The following ARHGAP12 variants were observed in gnomAD, a reference collection of about 807,000 sequenced individuals.
ARHGAP12 encodes the protein Rho GTPase activating protein 12.
Under a neutral mutation model 108.6 loss-of-function variants are expected in ARHGAP12, and 64 were observed. That is an observed-to-expected ratio of 0.59 (90% CI 0.48 to 0.73). The LOEUF is 0.73. Ranked by LOEUF, ARHGAP12 falls within the 30% of genes least tolerant of loss-of-function variation. The pLI, the probability that ARHGAP12 is intolerant of heterozygous loss-of-function variation, is 0.00. For synonymous variants in ARHGAP12, 312 were observed against 337.2 expected, an observed-to-expected ratio of 0.93 and a Z score of 0.82; for missense variants, 940 against 1,005.9, an observed-to-expected ratio of 0.93 and a Z score of 0.89.
At chr10:31,928,497 C>A (rs1213225130) in intron 1 of ARHGAP12, among the ~76,000 whole-genome samples, 186 bp downstream of exon 1, 7 of 151,094 alleles carry the variant, frequency 4.6e-5, no homozygotes, top group African/African-American at 1.7e-4. Context: ...CAGAGCCCCT[C>A]GCTGCGCGCC....
At chr10:31,836,979 G>A (rs1348091298) in intron 9 of ARHGAP12, among the ~76,000 whole-genome samples, 1 of 152,136 alleles carries the variant, frequency 6.6e-6, no homozygotes, top group Non-Finnish European at 1.5e-5. Context: ...ACATTGGCGA[G>A]GCAGTTCCCT....
Position 31,805,655 on chromosome 10 carries a change from CA to C in ARHGAP12, c.*2002del, listed in dbSNP as rs1467456528. 1 of 120,524 alleles carries C rather than the reference CA, an allele frequency of 8.3e-6. No homozygotes were observed. The highest frequency in any genetic ancestry group is 1.9e-5 in the Non-Finnish European group (1 of 51,878). 7.5% of individuals were successfully genotyped at this position (120,524 alleles called of 1,614,324 possible). A position where few individuals can be genotyped will look rare whatever the true frequency, so the allele number is the denominator to read the frequency against. ...AATAAAACATTTAAGACTTCACACA[CA>C]CACACACACACACACACACACACAC... On this transcript the variant is annotated 3_prime_UTR_variant, in exon 20 of 20. Coordinates refer to ENST00000344936, the MANE Select transcript of ARHGAP12 (RefSeq NM_018287.7).
Position 31,894,504 on chromosome 10 carries a change from T to C in ARHGAP12, c.684+13668A>G, listed in dbSNP as rs1011737115. The stretch of plus-strand genomic sequence containing the variant: ...GAGTGAACTCCCATTCACAATTGCT[T>C]CAAAGAAAATAAAATACCTAGGAAT... On this transcript the variant is annotated intron_variant, in intron 3 of 19. Transcript: ENST00000344936. Among the ~76,000 whole-genome samples, 295 of 152,072 alleles carry C rather than the reference T, an allele frequency of 1.9e-3. 2 individuals are homozygous for C. Among genetic ancestry groups the C allele is most frequent in the African/African-American group, 6.0e-3 (248 of 41,458 alleles).
chr10:31,850,420 C>T (rs1261211667), intron 6 of ARHGAP12, among the ~76,000 whole-genome samples: 1 of 152,046 alleles, frequency 6.6e-6, no homozygotes, highest in Admixed American at 6.6e-5. Context: ...GTAATTACAT[C>T]CCTCAAAACA....
chr10:31,917,285 G>A (rs1227971382), intron 1 of ARHGAP12, among the ~76,000 whole-genome samples: 2 of 152,082 alleles, frequency 1.3e-5, no homozygotes, highest in African/African-American at 2.4e-5. Flanking sequence ...GCACGTGCCT[G>A]TAATCCCAGC....
At chr10:31,893,036 T>C (rs1838520902) in intron 3 of ARHGAP12, among the ~76,000 whole-genome samples, 2 of 152,178 alleles carry the variant, frequency 1.3e-5, no homozygotes, top group Admixed American at 1.3e-4. Context: ...GAAATAAAGA[T>C]GTTCTTTGAA....
intron 3 of ARHGAP12, among the ~76,000 whole-genome samples, chr10:31,868,500 G>C (rs898725793): frequency 6.6e-6 from 1 of 152,010 alleles, no homozygotes; most frequent in African/African-American, 2.4e-5. Context: ...CAATAGTATT[G>C]ACCCTATAGA....
At chr10:31,862,020 T>C (rs907092383) in intron 3 of ARHGAP12, among the ~76,000 whole-genome samples, 1 of 152,234 alleles carries the variant, frequency 6.6e-6, no homozygotes, top group African/African-American at 2.4e-5. Context: ...AATGAGGGAA[T>C]TGGACTAAAC....
intron 3 of ARHGAP12, among the ~76,000 whole-genome samples, chr10:31,895,290 A>C (rs1225445210): frequency 6.6e-6 from 1 of 152,248 alleles, no homozygotes; most frequent in African/African-American, 2.4e-5. Flanking sequence ...AGCAAAAGAA[A>C]CTACCATCAG....
chr10:31,808,977 T>C lies in ARHGAP12; in HGVS notation c.2263+17A>G, dbSNP rs995352426. Reference sequence around the variant, plus strand: ...TTTTCAATATCTAGAAAAAACTGAGTAGAATTACATACTTACTAATTGCAT... The same window carrying C: ...TTTTCAATATCTAGAAAAAACTGAGCAGAATTACATACTTACTAATTGCAT... On this transcript the variant is annotated intron_variant, in intron 18 of 19. Transcript: ENST00000344936. 1.9e-6 allele frequency: 3 copies of C among 1,549,346 alleles called. No homozygotes were observed. Among genetic ancestry groups the C allele is most frequent in the Admixed American group, 3.8e-5 (2 of 53,056 alleles).
intron 1 of ARHGAP12, among the ~76,000 whole-genome samples, chr10:31,917,447 A>G (rs1839611045): frequency 6.6e-6 from 1 of 152,194 alleles, no homozygotes; most frequent in Non-Finnish European, 1.5e-5. Context: ...TAGTCTTTAT[A>G]AAAGTTCAAT....
At position 31,898,479 on chromosome 10, in the gene ARHGAP12, T is replaced by C. The variant is rs950156062; in HGVS notation, c.684+9693A>G. On this transcript the variant is annotated intron_variant, in intron 3 of 19. Transcript: ENST00000344936. ...TTGCTGGTGGGATGGTCCTGATCTCTTGACCTCGTGATCTGCCCACCTCGG... is the reference window on the plus strand; with the variant it reads ...TTGCTGGTGGGATGGTCCTGATCTCCTGACCTCGTGATCTGCCCACCTCGG... 2.6e-5 allele frequency among the ~76,000 whole-genome samples: 4 copies of C among 152,168 alleles called. 1 individual carries two copies. Among genetic ancestry groups the C allele is most frequent in the South Asian group, 4.1e-4 (2 of 4,830 alleles).
At chr10:31,903,665 G>A (rs749820460) in intron 3 of ARHGAP12, among the ~76,000 whole-genome samples, 1 of 151,970 alleles carries the variant, frequency 6.6e-6, no homozygotes, top group East Asian at 1.9e-4. Flanking sequence ...GGATGAAAAG[G>A]CAAGCTACAT....
At chr10:31,819,138 T>C (rs1384416606) in intron 12 of ARHGAP12, among the ~76,000 whole-genome samples, 1 of 151,530 alleles carries the variant, frequency 6.6e-6, no homozygotes, top group Admixed American at 6.6e-5. Flanking sequence ...TATTTTTAAA[T>C]AAATATTTAT....
chr10:31,908,163 T>A lies in ARHGAP12; in HGVS notation c.684+9A>T. On this transcript the variant is annotated intron_variant, in intron 3 of 19. Coordinates refer to ENST00000344936, the MANE Select transcript of ARHGAP12 (RefSeq NM_018287.7). ...GTACAGTGTTTCCTCATTCTATTTT[T>A]AATCTTACCCTTATCTGTTCAGTGG... 6.4e-7 allele frequency: 1 copy of A among 1,552,244 alleles called. No homozygotes were observed. Among genetic ancestry groups the A allele is most frequent in the South Asian group, 1.2e-5 (1 of 80,416 alleles).
intron 4 of ARHGAP12, among the ~76,000 whole-genome samples, chr10:31,854,412 A>G (rs1836811877): frequency 6.6e-6 from 1 of 152,222 alleles, no homozygotes; most frequent in Non-Finnish European, 1.5e-5. Context: ...ATTTTATCAC[A>G]TTAGTGCAGC....
intron 4 of ARHGAP12, among the ~76,000 whole-genome samples, chr10:31,855,678 A>T (rs182906627): frequency 6.6e-6 from 1 of 152,350 alleles, no homozygotes; most frequent in Admixed American, 6.5e-5. Context: ...AGAGTGCAGT[A>T]AAACTTTTAG....
intron 3 of ARHGAP12, among the ~76,000 whole-genome samples, chr10:31,882,863 T>G (rs1195510328): frequency 2.6e-5 from 4 of 151,680 alleles, no homozygotes; most frequent in African/African-American, 9.7e-5. Flanking sequence ...ACTTTGCATT[T>G]TATCTAGCAC....
At chr10:31,881,873 T>C (rs1270882101) in intron 3 of ARHGAP12, among the ~76,000 whole-genome samples, 3 of 151,786 alleles carry the variant, frequency 2.0e-5, no homozygotes, top group South Asian at 4.1e-4. Context: ...AATAAGTGTT[T>C]CAAATTTAAA....
Sources: gnomAD v4.1 joint callset for allele counts (sites outside exome capture counted in the v4.1 genomes callset) on GRCh38, gnomAD v4.1.1 for gene constraint, MANE v1.5 for transcripts, NCBI Gene and HGNC (gene_info 2026-07-23, HGNC 2026-07-21) for gene names.